STAG1: variants seen among roughly 807,000 people sequenced by gnomAD.
STAG1 encodes the protein cohesin subunit SA-1.
STAG1 carries 26 observed loss-of-function variants against 170.9 expected under a neutral mutation model. That is an observed-to-expected ratio of 0.15 (90% CI 0.11 to 0.21). The LOEUF (loss-of-function observed/expected upper bound fraction) is 0.21, where lower values mean the gene tolerates loss of function less well. STAG1 is among the 10% of genes least tolerant of loss of function. The pLI is 1.00. For missense variants in STAG1, 964 were observed against 1,509.5 expected (o/e 0.64, Z 5.99); for synonymous variants, 514 against 497.7 (o/e 1.03, Z -0.44).
chr3:136,495,970 CAAAAAAAAAA>C (rs35882097), intron 9 of STAG1, among the ~76,000 whole-genome samples: 1 of 64,138 alleles, frequency 1.6e-5, no homozygotes, highest in East Asian at 4.6e-4. Flanking sequence ...GACTCCGTCT[CAAAAAAAAAA>C]AAAAAAAAAA....
At chr3:136,432,836 G>A (rs1018313826) in intron 16 of STAG1, among the ~76,000 whole-genome samples, 12 of 152,286 alleles carry the variant, frequency 7.9e-5, no homozygotes, top group African/African-American at 2.4e-4. Flanking sequence ...GTTTTTGCAC[G>A]CAGTGCCACT....
In STAG1 at chr3:136,411,524, T is replaced by C. The variant is rs139041657; in HGVS notation, c.2196+6361A>G. Among the ~76,000 whole-genome samples the C allele has an allele frequency of 8.5e-5, 13 of 152,302 alleles. No individual in the cohort carries two copies. The East Asian group carries it at 2.1e-3, about 25-fold the overall frequency. ...TGTGTGCTTTTCACAAGCTAATGAT[T>C]ATTGTTGTTACACAACTGCAATCAC... On this transcript the variant is annotated intron_variant, in intron 21 of 33. Transcript: ENST00000383202.
intron 8 of STAG1, among the ~76,000 whole-genome samples, chr3:136,501,501 A>G (rs923157783): frequency 2.6e-5 from 4 of 152,182 alleles, no homozygotes; most frequent in African/African-American, 9.7e-5. Context: ...ATGTCATGCA[A>G]AGATTGGAAT....
At chr3:136,719,947 C>T (rs537061388) in intron 1 of STAG1, among the ~76,000 whole-genome samples, 82 of 152,100 alleles carry the variant, frequency 5.4e-4, no homozygotes, top group African/African-American at 1.9e-3. Context: ...GAGGCCAAGG[C>T]GGGCAGGTCA....
intron 1 of STAG1, among the ~76,000 whole-genome samples, chr3:136,663,719 G>T (rs1236894426): frequency 1.3e-5 from 2 of 152,090 alleles, no homozygotes; most frequent in Non-Finnish European, 2.9e-5. Flanking sequence ...TGTACTCTTT[G>T]TTCCACCCTT....
At chr3:136,635,562 T>C (rs1167964099) in intron 1 of STAG1, among the ~76,000 whole-genome samples, 1 of 152,184 alleles carries the variant, frequency 6.6e-6, no homozygotes, top group Non-Finnish European at 1.5e-5. Flanking sequence ...GGAAAAAAGC[T>C]AGGATGCTAT....
chr3:136,556,501 A>G (rs1936621940), intron 5 of STAG1, among the ~76,000 whole-genome samples: 1 of 152,192 alleles, frequency 6.6e-6, no homozygotes, highest in South Asian at 2.1e-4. Context: ...GAGAAATGCT[A>G]ACATACATAC....
intron 5 of STAG1, among the ~76,000 whole-genome samples, chr3:136,546,290 T>C (rs145595664): frequency 4.3e-4 from 65 of 152,336 alleles, no homozygotes; most frequent in African/African-American, 1.5e-3. Flanking sequence ...CGACTATTAA[T>C]AGGATTCAAG....
intron 3 of STAG1, among the ~76,000 whole-genome samples, chr3:136,620,052 T>A (rs1009100880): frequency 3.3e-5 from 5 of 151,634 alleles, no homozygotes; most frequent in African/African-American, 1.2e-4. Context: ...GGTGACAGAG[T>A]GAGATCCTGT....
At chr3:136,669,707 A>G (rs963792534) in intron 1 of STAG1, among the ~76,000 whole-genome samples, 1 of 152,164 alleles carries the variant, frequency 6.6e-6, no homozygotes, top group Admixed American at 6.5e-5. Flanking sequence ...TTCGGTGATA[A>G]AAATAAAAAG....
At chr3:136,686,172 CTGAG>C (rs1394505108) in intron 1 of STAG1, among the ~76,000 whole-genome samples, 1 of 152,192 alleles carries the variant, frequency 6.6e-6, no homozygotes, top group Non-Finnish European at 1.5e-5. Context: ...ACTTTATGCT[CTGAG>C]TGTTTTTCCC....
intron 7 of STAG1, among the ~76,000 whole-genome samples, chr3:136,515,200 C>A (rs966896803): frequency 7.2e-5 from 11 of 151,976 alleles, no homozygotes; most frequent in African/African-American, 2.7e-4. Flanking sequence ...CCCCGTCTCT[C>A]CCAAAAATAC....
chr3:136,355,126 G>T (rs1282076935), intron 28 of STAG1, among the ~76,000 whole-genome samples: 1 of 151,898 alleles, frequency 6.6e-6, no homozygotes, highest in East Asian at 1.9e-4. Flanking sequence ...GCCGAGGTGG[G>T]CAGATTACTT....
intron 6 of STAG1, among the ~76,000 whole-genome samples, chr3:136,529,977 G>T (rs1053561312): frequency 1.6e-4 from 25 of 152,214 alleles, no homozygotes; most frequent in African/African-American, 5.8e-4. Flanking sequence ...CCAACCACAT[G>T]CTGCCCACAA....
chr3:136,662,729 G>A (rs1042764921), intron 1 of STAG1, among the ~76,000 whole-genome samples: 5 of 152,070 alleles, frequency 3.3e-5, no homozygotes, highest in Admixed American at 3.3e-4. Context: ...ACAGGCAAAA[G>A]CCACCGCACC....
At chr3:136,426,784 ACC>A (rs1228385509) in intron 16 of STAG1, among the ~76,000 whole-genome samples, 1 of 151,936 alleles carries the variant, frequency 6.6e-6, no homozygotes, top group African/African-American at 2.4e-5. Flanking sequence ...ACTAAAAAAT[ACC>A]GGCTGAGCGT....
intron 9 of STAG1, among the ~76,000 whole-genome samples, chr3:136,489,680 T>G (rs529087398): frequency 6.6e-6 from 1 of 152,112 alleles, no homozygotes; most frequent in Non-Finnish European, 1.5e-5. Context: ...ATAGAATAAT[T>G]ATAGAGAATT....
intron 6 of STAG1, among the ~76,000 whole-genome samples, chr3:136,540,140 TA>T (rs1443007761): frequency 6.6e-6 from 1 of 152,106 alleles, no homozygotes; most frequent in Non-Finnish European, 1.5e-5. Flanking sequence ...CTTCTTAAAA[TA>T]AGTTATATTT....
At chr3:136,524,003 T>C (rs1934847740) in intron 6 of STAG1, among the ~76,000 whole-genome samples, 1 of 152,198 alleles carries the variant, frequency 6.6e-6, no homozygotes, top group Non-Finnish European at 1.5e-5. Context: ...TGTAGCCTTG[T>C]AGTATAGTTT....
Sources: allele counts gnomAD v4.1 joint callset (sites outside exome capture counted in the v4.1 genomes callset), GRCh38; gene constraint gnomAD v4.1.1; transcripts MANE v1.5; gene names NCBI Gene and HGNC (gene_info 2026-07-23, HGNC 2026-07-21).